Variants in DPY19L2 observed in about 807,000 individuals in gnomAD.
DPY19L2 encodes the protein probable C-mannosyltransferase DPY19L2.
Under a neutral mutation model 97.9 loss-of-function variants are expected in DPY19L2, and 34 were observed. That is an observed-to-expected ratio of 0.35 (90% CI 0.26 to 0.46). The LOEUF is 0.46. Among genes scored for constraint, DPY19L2 ranks in the 20% least tolerant of loss-of-function variants. The pLI is 1.00. For synonymous variants in DPY19L2, 230 were observed against 307.9 expected (o/e 0.75, Z 2.65); for missense variants, 623 against 911.4 (o/e 0.68, Z 4.07).
intron 12 of DPY19L2, among the ~76,000 whole-genome samples, chr12:63,606,116 T>C (rs1886005930): frequency 1.3e-5 from 2 of 152,128 alleles, no homozygotes; most frequent in African/African-American, 4.8e-5. Context: ...CCAATTGATT[T>C]TTTAATATTA....
intron 4 of DPY19L2, among the ~76,000 whole-genome samples, chr12:63,650,006 G>T (rs1026048669): frequency 2.6e-5 from 4 of 151,842 alleles, no homozygotes; most frequent in Admixed American, 1.3e-4. Flanking sequence ...AGGATGCAAG[G>T]GTGGTTCAAC....
chr12:63,650,481 A>G (rs1894052151), intron 4 of DPY19L2, among the ~76,000 whole-genome samples: 1 of 152,166 alleles, frequency 6.6e-6, no homozygotes, highest in South Asian at 2.1e-4. Context: ...AACTTTCCGG[A>G]TGTAAAATCA....
chr12:63,660,752 A>G (rs1048290666), intron 4 of DPY19L2: 1 of 152,178 alleles, frequency 6.6e-6, no homozygotes, highest in Non-Finnish European at 1.5e-5. Flanking sequence ...GGATTCTGAG[A>G]CAATTTTAAA....
intron 20 of DPY19L2, 57 bp from the exon 21 acceptor site, chr12:63,569,406 T>A: frequency 7.7e-7 from 1 of 1,296,532 alleles, no homozygotes; most frequent in Non-Finnish European, 1.0e-6. Context: ...TAGAATAGAC[T>A]AAAAAAATCT....
At chr12:63,618,471 G>C (rs991841481) in intron 9 of DPY19L2, among the ~76,000 whole-genome samples, 3 of 152,092 alleles carry the variant, frequency 2.0e-5, no homozygotes, top group African/African-American at 7.2e-5. Context: ...GAATTAAAAA[G>C]ATGGATGGCA....
chr12:63,579,479 G>A (rs1320683733), intron 19 of DPY19L2, among the ~76,000 whole-genome samples: 2 of 152,142 alleles, frequency 1.3e-5, no homozygotes, highest in Non-Finnish European at 2.9e-5. Context: ...TCAAAGAAGA[G>A]GCATCTAAAA....
At chr12:63,643,085 T>C (rs1892924096) in intron 6 of DPY19L2, among the ~76,000 whole-genome samples, 1 of 152,078 alleles carries the variant, frequency 6.6e-6, no homozygotes, top group Non-Finnish European at 1.5e-5. Context: ...ATTTATAATT[T>C]TGAGTTTAAA....
At chr12:63,569,109 A>G (rs1250272616) in intron 21 of DPY19L2, 115 bp downstream of exon 21, 1 of 960,948 alleles carries the variant, frequency 1.0e-6, no homozygotes, top group East Asian at 3.5e-5. Context: ...GTACCAGGAT[A>G]ATATTTTAAT....
At chr12:63,588,354 C>A (rs1282089333) in intron 16 of DPY19L2, among the ~76,000 whole-genome samples, 2 of 152,132 alleles carry the variant, frequency 1.3e-5, no homozygotes, top group Non-Finnish European at 2.9e-5. Flanking sequence ...ACAAATGGAA[C>A]AACAAAGCCT....
At chr12:63,603,827 A>ACAAT (rs1376777925) in intron 12 of DPY19L2, among the ~76,000 whole-genome samples, 4 of 152,282 alleles carry the variant, frequency 2.6e-5, no homozygotes, top group Admixed American at 6.5e-5. Context: ...TATAGCCAAG[A>ACAAT]CAATCCTAAG....
At chr12:63,640,815 T>G (rs1166931674) in intron 6 of DPY19L2, among the ~76,000 whole-genome samples, 1 of 152,170 alleles carries the variant, frequency 6.6e-6, no homozygotes, top group Admixed American at 6.5e-5. Flanking sequence ...TTGTGTAACA[T>G]TTTCCATATG....
chr12:63,571,963 G>A (rs1162792045), intron 19 of DPY19L2, among the ~76,000 whole-genome samples: 1 of 152,128 alleles, frequency 6.6e-6, no homozygotes, highest in Non-Finnish European at 1.5e-5. Flanking sequence ...GAGAGGAGGT[G>A]GAGCATGATG....
upstream of DPY19L2, chr12:63,668,547 G>C (rs1253518943): frequency 1.0e-5 from 8 of 791,934 alleles, no homozygotes; most frequent in Non-Finnish European, 1.6e-5. Flanking sequence ...GTGAAATGTG[G>C]GGTGGGGCGC....
At chr12:63,569,371 T>A (rs1278738886) in intron 20 of DPY19L2, 22 bp from the exon 21 acceptor site, 1 of 1,504,202 alleles carries the variant, frequency 6.6e-7, no homozygotes, top group Non-Finnish European at 8.9e-7. Context: ...AACAATAATT[T>A]AAAAGATTTT....
chr12:63,637,493 G>T (rs981720284), intron 6 of DPY19L2, among the ~76,000 whole-genome samples: 1 of 151,582 alleles, frequency 6.6e-6, no homozygotes, highest in African/African-American at 2.4e-5. Context: ...AAAGAGAGAA[G>T]AATCAAATAG....
Position 63,564,545 on chromosome 12 carries a change from G to T in DPY19L2, c.2127-3883C>A, listed in dbSNP as rs140147799. Among the ~76,000 whole-genome samples, 641 of 152,192 alleles carry T rather than the reference G, an allele frequency of 4.2e-3. 11 individuals are homozygous for T. Among genetic ancestry groups the T allele is most frequent in the African/African-American group, 0.015 (606 of 41,532 alleles). On this transcript the variant is annotated intron_variant, in intron 21 of 21. Transcript: ENST00000324472. ...AAACATTTGAGGGAATTTCCATATA[G>T]AATTCTGTTACTGATTTCTAATTTA...
At chr12:63,591,858 C>A (rs190005096) in intron 16 of DPY19L2, among the ~76,000 whole-genome samples, 3 of 150,090 alleles carry the variant, frequency 2.0e-5, no homozygotes, top group Admixed American at 6.7e-5. Context: ...ATGAGATGAT[C>A]GCGTGAGTCC....
chr12:63,603,168 A>T (rs1474035717), intron 12 of DPY19L2, among the ~76,000 whole-genome samples: 1 of 152,228 alleles, frequency 6.6e-6, no homozygotes, highest in Non-Finnish European at 1.5e-5. Flanking sequence ...AAAATGAAAG[A>T]GTGAAAATAA....
At chr12:63,634,044 C>T (rs1318476066) in intron 6 of DPY19L2, among the ~76,000 whole-genome samples, 2 of 150,910 alleles carry the variant, frequency 1.3e-5, no homozygotes, top group African/African-American at 4.9e-5. Context: ...AGGGGAACAT[C>T]ACACACCGGG....
Sources: gnomAD v4.1 joint callset for allele counts (sites outside exome capture counted in the v4.1 genomes callset) on GRCh38, gnomAD v4.1.1 for gene constraint, MANE v1.5 for transcripts, NCBI Gene and HGNC (gene_info 2026-07-23, HGNC 2026-07-21) for gene names.